The following SORCS2 variants were observed in gnomAD, a reference collection of about 807,000 sequenced individuals.
The protein encoded by SORCS2 is VPS10 domain-containing receptor SorCS2.
In SORCS2, 100 loss-of-function variants were observed where a neutral mutation model predicts 141.6. The ratio of observed to expected loss-of-function variants is 0.71; its 90% CI spans 0.60 to 0.83. SORCS2 has a LOEUF of 0.83. Ranked by LOEUF, SORCS2 falls within the 40% of genes least tolerant of loss-of-function variation. The pLI is 0.00. For synonymous variants in SORCS2, 789 were observed against 676.9 expected (o/e 1.17, Z -2.57); for missense variants, 1,646 against 1,560.2 (o/e 1.05, Z -0.93).
chr4:7,433,513 A>G (rs771612044), intron 2 of SORCS2: 18 of 1,606,728 alleles, frequency 1.1e-5, no homozygotes, highest in Non-Finnish European at 1.5e-5. Flanking sequence ...GGGGTCCATC[A>G]TGTCCTTGAG....
At position 7,456,714 on chromosome 4, in the gene SORCS2, C is replaced by T. The variant is rs912052362; in HGVS notation, c.548+60359C>T. Among the ~76,000 whole-genome samples the T allele has an allele frequency of 3.9e-5, 6 of 152,290 alleles. No individual in the cohort carries two copies. In the East Asian group the frequency reaches 1.2e-3, roughly 29 times the overall value. On this transcript the variant is annotated intron_variant, in intron 2 of 26. Transcript: ENST00000507866. ...ACAGAGGAGATCTGAACAGAGGGAA[C>T]TGCTGCTCAGTGGCTTTGAGCCAGA...
At chr4:7,715,043 T>C in intron 16 of SORCS2, 140 bp from the exon 17 acceptor site, 1 of 1,187,214 alleles carries the variant, frequency 8.4e-7, no homozygotes, top group Non-Finnish European at 1.2e-6. Context: ...TGGGTGTTCC[T>C]TGATGTCCTC....
chr4:7,690,760 T>A (rs1724191899), intron 11 of SORCS2, among the ~76,000 whole-genome samples: 1 of 152,178 alleles, frequency 6.6e-6, no homozygotes, highest in South Asian at 2.1e-4. Flanking sequence ...TCATGGTTGA[T>A]ATTTATTGGC....
chr4:7,229,981 C>T (rs1711725742), intron 1 of SORCS2, among the ~76,000 whole-genome samples: 1 of 136,694 alleles, frequency 7.3e-6, no homozygotes, highest in African/African-American at 2.8e-5. Context: ...TGAAGATGGT[C>T]AAGTCTTCGA....
intron 1 of SORCS2, among the ~76,000 whole-genome samples, chr4:7,319,800 C>T (rs1718785215): frequency 6.6e-6 from 1 of 152,262 alleles, no homozygotes; most frequent in African/African-American, 2.4e-5. Context: ...ACTGGTGGTT[C>T]TGTGTTACAC....
At chr4:7,625,318 C>T (rs80203818) in intron 3 of SORCS2, among the ~76,000 whole-genome samples, 1 of 152,116 alleles carries the variant, frequency 6.6e-6, no homozygotes, top group East Asian at 1.9e-4. Context: ...ATGCCAACAT[C>T]ATGGCTCACA....
rs1215689146 is a variant in SORCS2, at chr4:7,740,442, C to G, written c.*178C>G. 3.3e-6 allele frequency: 2 copies of G among 609,850 alleles called. No individual in the cohort carries two copies. Among genetic ancestry groups the G allele is most frequent in the Non-Finnish European group, 5.8e-6 (2 of 343,568 alleles). 37.8% of individuals were successfully genotyped at this position (609,850 alleles called of 1,614,324 possible). A position where few individuals can be genotyped will look rare whatever the true frequency, so the allele number is the denominator to read the frequency against. On this transcript the variant is annotated 3_prime_UTR_variant, in exon 27 of 27. Transcript: ENST00000507866. ...CAAGCCCGCCCAGGCCCACGGGGGG[C>G]CCACGGGACCCCCCGGGACTCCCCG...
chr4:7,284,615 A>G (rs954409445), intron 1 of SORCS2, among the ~76,000 whole-genome samples: 23 of 152,292 alleles, frequency 1.5e-4, no homozygotes, highest in Admixed American at 1.2e-3. Context: ...TGAAGGGGTC[A>G]TGTCTCCCCA....
intron 1 of SORCS2, among the ~76,000 whole-genome samples, chr4:7,339,335 G>C (rs1039056578): frequency 6.6e-6 from 1 of 152,224 alleles, no homozygotes; most frequent in South Asian, 2.1e-4. Context: ...ACTCCTGACT[G>C]CAGTGCAACA....
chr4:7,461,801 G>A (rs1729328978), intron 2 of SORCS2, among the ~76,000 whole-genome samples: 1 of 152,048 alleles, frequency 6.6e-6, no homozygotes, highest in Non-Finnish European at 1.5e-5. Flanking sequence ...CCAAAATATG[G>A]CCTGGGAACC....
intron 1 of SORCS2, among the ~76,000 whole-genome samples, chr4:7,341,882 A>G (rs1720388242): frequency 6.6e-6 from 1 of 152,196 alleles, no homozygotes; most frequent in Non-Finnish European, 1.5e-5. Flanking sequence ...CCTGGCAGCC[A>G]CCAAGCTGCT....
At chr4:7,382,049 G>A (rs1456233725) in intron 1 of SORCS2, 12 of 913,522 alleles carry the variant, frequency 1.3e-5, no homozygotes, top group East Asian at 1.2e-4. Context: ...ATGGGACCTC[G>A]TTCGGGAAAG....
chr4:7,399,559 G>A (rs1010251550), intron 2 of SORCS2, among the ~76,000 whole-genome samples: 2 of 152,124 alleles, frequency 1.3e-5, no homozygotes, highest in African/African-American at 4.8e-5. Context: ...TGGTGATGGG[G>A]GTCTCCTGCT....
chr4:7,589,045 G>A (rs1716730010), intron 3 of SORCS2, among the ~76,000 whole-genome samples: 1 of 152,194 alleles, frequency 6.6e-6, no homozygotes. Flanking sequence ...CAGCCTACTG[G>A]GGACACAGTG....
intron 2 of SORCS2, among the ~76,000 whole-genome samples, chr4:7,494,716 G>T (rs184851615): frequency 6.6e-6 from 1 of 152,372 alleles, no homozygotes; most frequent in Admixed American, 6.5e-5. Flanking sequence ...ACAGGGAACA[G>T]CTTTGGACAT....
At chr4:7,589,617 T>A (rs1003605066) in intron 3 of SORCS2, among the ~76,000 whole-genome samples, 2 of 152,106 alleles carry the variant, frequency 1.3e-5, no homozygotes, top group South Asian at 2.1e-4. Flanking sequence ...TGGCCAGGCT[T>A]GTCTCGAACT....
chr4:7,282,475 T>G (rs1715945756), intron 1 of SORCS2, among the ~76,000 whole-genome samples: 1 of 152,188 alleles, frequency 6.6e-6, no homozygotes, highest in African/African-American at 2.4e-5. Flanking sequence ...CAGTTTGTAT[T>G]GTTGGAGTGT....
intron 15 of SORCS2, among the ~76,000 whole-genome samples, chr4:7,713,922 C>A (rs1301755942): frequency 6.6e-6 from 1 of 152,232 alleles, no homozygotes; most frequent in African/African-American, 2.4e-5. Context: ...GAGGGCGTGG[C>A]TCAGCCCAGC....
intron 2 of SORCS2, among the ~76,000 whole-genome samples, chr4:7,422,276 C>T (rs1004714807): frequency 2.6e-5 from 4 of 152,164 alleles, no homozygotes; most frequent in South Asian, 2.1e-4. Context: ...TCAGCCTCCT[C>T]GGGCCATGCC....
Sources: gnomAD v4.1 joint callset for allele counts (sites outside exome capture counted in the v4.1 genomes callset) on GRCh38, gnomAD v4.1.1 for gene constraint, MANE v1.5 for transcripts, NCBI Gene and HGNC (gene_info 2026-07-23, HGNC 2026-07-21) for gene names.